CBL: variants seen among roughly 807,000 people sequenced by gnomAD.
CBL encodes the protein Cbl proto-oncogene.
A neutral mutation model predicts 96.9 loss-of-function variants in CBL; 45 were observed. That is an observed-to-expected ratio of 0.46 (90% CI 0.37 to 0.60). The LOEUF is 0.60. Among genes scored for constraint, CBL ranks in the 20% least tolerant of loss-of-function variants. CBL has a pLI of 0.00. For synonymous variants in CBL, 420 were observed against 426.8 expected (o/e 0.98, Z 0.20); for missense variants, 1,024 against 1,143.5 (o/e 0.90, Z 1.51).
intron 13 of CBL, 109 bp downstream of exon 13, chr11:119,297,143 G>A (rs1950069257): frequency 2.5e-6 from 2 of 790,128 alleles, no homozygotes; most frequent in Admixed American, 3.4e-5. Context: ...TCAGATTAAA[G>A]CAGAAAGATA....
intron 1 of CBL, among the ~76,000 whole-genome samples, chr11:119,215,594 C>T (rs980107230): frequency 6.0e-5 from 9 of 149,852 alleles, no homozygotes; most frequent in Non-Finnish European, 8.9e-5. Context: ...TAAACCCGCC[C>T]GGGAGGGTGG....
chr11:119,264,577 G>A (rs1949786364), intron 2 of CBL, among the ~76,000 whole-genome samples: 2 of 151,704 alleles, frequency 1.3e-5, no homozygotes, highest in African/African-American at 4.8e-5. Context: ...CACCTCCAGG[G>A]CTCAAGCCAT....
chr11:119,294,779 G>A (rs1732477872), intron 12 of CBL, among the ~76,000 whole-genome samples: 2 of 143,612 alleles, frequency 1.4e-5, no homozygotes, highest in Admixed American at 6.9e-5. Context: ...GCCACAGTGA[G>A]ACTCCGTCTC....
At chr11:119,239,326 A>G (rs1027837859) in intron 2 of CBL, among the ~76,000 whole-genome samples, 3 of 152,014 alleles carry the variant, frequency 2.0e-5, no homozygotes, top group African/African-American at 4.8e-5. Context: ...TCAGTGTTCA[A>G]GTTTTTTGCC....
At chr11:119,277,237 T>TAGCA (rs1555229973) in intron 6 of CBL, among the ~76,000 whole-genome samples, 1 of 57,882 alleles carries the variant, frequency 1.7e-5, no homozygotes, top group South Asian at 8.1e-4. Context: ...TAAGAATCTG[T>TAGCA]CGCGCACACA....
rs975797127 is a variant in CBL at position 119,307,586 on chromosome 11, C to A, written c.*7805C>A. ...CAGAAGCCTGTCCTCAGTAATGTGACTATAGTGAGCTTTAGCAAAAGTTTT... is the reference window on the plus strand; with the variant it reads ...CAGAAGCCTGTCCTCAGTAATGTGAATATAGTGAGCTTTAGCAAAAGTTTT... On this transcript the variant is annotated 3_prime_UTR_variant, in exon 16 of 16. Transcript: ENST00000264033. 4 of 232,140 alleles carry A rather than the reference C, an allele frequency of 1.7e-5. No individual in the cohort carries two copies. Among genetic ancestry groups the A allele is most frequent in the Non-Finnish European group, 3.4e-5 (4 of 117,184 alleles). 14.4% of individuals were successfully genotyped at this position (232,140 alleles called of 1,614,324 possible).
intron 2 of CBL, among the ~76,000 whole-genome samples, chr11:119,241,347 T>A (rs924856928): frequency 6.6e-6 from 1 of 152,340 alleles, no homozygotes; most frequent in African/African-American, 2.4e-5. Context: ...CAGTTAATTT[T>A]AAAAACTTGA....
chr11:119,297,055 T>C (rs201483098), intron 13 of CBL, 21 bp downstream of exon 13: 31 of 1,281,032 alleles, frequency 2.4e-5, no homozygotes, highest in Non-Finnish European at 3.5e-5. Flanking sequence ...AACAACCCTT[T>C]TTGGGCCCTA....
intron 2 of CBL, among the ~76,000 whole-genome samples, chr11:119,247,560 C>G (rs904771204): frequency 6.6e-6 from 1 of 152,184 alleles, no homozygotes; most frequent in African/African-American, 2.4e-5. Context: ...CCTGTGATCC[C>G]AGCACTATGG....
intron 1 of CBL, among the ~76,000 whole-genome samples, chr11:119,212,608 A>C (rs36109901): frequency 0.28 from 42,006 of 152,006 alleles, 6,244 homozygotes; most frequent in South Asian, 0.58. Flanking sequence ...CCTGGGCAAG[A>C]AGAGCAAAAC....
intron 2 of CBL, among the ~76,000 whole-genome samples, chr11:119,239,798 T>C (rs1384319500): frequency 1.2e-4 from 19 of 152,070 alleles, no homozygotes; most frequent in Non-Finnish European, 7.4e-5. Flanking sequence ...TTTTTTGCTT[T>C]TTTGTTTTAT....
At chr11:119,259,776 G>A (rs1949739367) in intron 2 of CBL, among the ~76,000 whole-genome samples, 1 of 152,154 alleles carries the variant, frequency 6.6e-6, no homozygotes, top group South Asian at 2.1e-4. Context: ...TAAAAAATTG[G>A]CATCGTTTTC....
rs998377478 is a variant in CBL at position 119,306,975 on chromosome 11, C to A, written c.*7194C>A. On this transcript the variant is annotated 3_prime_UTR_variant, in exon 16 of 16. Coordinates refer to ENST00000264033, the MANE Select transcript of CBL (RefSeq NM_005188.4). ...AAAAAGCCAAATGTTTTGTGCCTTT[C>A]TAAGGCAGCACTGTATCCCAGGCTG... is the stretch of plus-strand genomic sequence containing the variant. 2.2e-5 allele frequency: 5 copies of A among 223,904 alleles called. No individual in the cohort carries two copies. Among genetic ancestry groups the A allele is most frequent in the Non-Finnish European group, 4.4e-5 (5 of 113,016 alleles). The allele number at this position is 223,904 out of a possible 1,614,324, so 13.9% of individuals were successfully genotyped here.
At chr11:119,273,379 T>G (rs1949862850) in intron 3 of CBL, among the ~76,000 whole-genome samples, 1 of 152,192 alleles carries the variant, frequency 6.6e-6, no homozygotes, top group Non-Finnish European at 1.5e-5. Flanking sequence ...ACTACTACCC[T>G]GGATGACATT....
intron 2 of CBL, among the ~76,000 whole-genome samples, chr11:119,251,467 C>A (rs1161480108): frequency 6.6e-6 from 1 of 152,164 alleles, no homozygotes; most frequent in African/African-American, 2.4e-5. Context: ...GTGACTGTTT[C>A]ATTTCATATT....
intron 2 of CBL, among the ~76,000 whole-genome samples, chr11:119,243,167 AC>A (rs1949600379): frequency 6.6e-6 from 1 of 152,124 alleles, no homozygotes; most frequent in African/African-American, 2.4e-5. Context: ...AATCCCAGCT[AC>A]TTGGCAAGCT....
chr11:119,266,744 A>G (rs1052960364), intron 2 of CBL, among the ~76,000 whole-genome samples: 2 of 152,156 alleles, frequency 1.3e-5, no homozygotes, highest in Non-Finnish European at 2.9e-5. Context: ...GTAGATTTGG[A>G]TGGTTAGAGC....
intron 2 of CBL, among the ~76,000 whole-genome samples, chr11:119,239,086 C>T (rs1399239087): frequency 6.6e-6 from 1 of 152,164 alleles, no homozygotes; most frequent in Non-Finnish European, 1.5e-5. Context: ...CCTCCCACCT[C>T]AGTCTCCCTA....
chr11:119,220,327 G>T (rs1340654307), intron 1 of CBL, among the ~76,000 whole-genome samples: 1 of 152,198 alleles, frequency 6.6e-6, no homozygotes, highest in African/African-American at 2.4e-5. Context: ...AAGTAGAACT[G>T]GCTGGGTGCA....
Sources: gnomAD v4.1 joint callset for allele counts (sites outside exome capture counted in the v4.1 genomes callset) on GRCh38, gnomAD v4.1.1 for gene constraint, MANE v1.5 for transcripts, NCBI Gene and HGNC (gene_info 2026-07-23, HGNC 2026-07-21) for gene names.